Variants in CNTNAP2 observed in about 807,000 individuals in gnomAD.
CNTNAP2 encodes the protein contactin associated protein 2.
A neutral mutation model predicts 155.2 loss-of-function variants in CNTNAP2; 98 were observed. That is an observed-to-expected ratio of 0.63 (90% confidence interval 0.54 to 0.75). CNTNAP2 has a LOEUF of 0.75. Ranked by LOEUF, CNTNAP2 falls within the 30% of genes least tolerant of loss-of-function variation. The pLI is 0.00. For synonymous variants in CNTNAP2, 651 were observed against 631.2 expected (o/e 1.03, Z -0.47); for missense variants, 1,727 against 1,688.1 (o/e 1.02, Z -0.40).
chr7:146,316,281 C>A (rs999311580), intron 1 of CNTNAP2, among the ~76,000 whole-genome samples: 6 of 151,868 alleles, frequency 4.0e-5, no homozygotes, highest in Admixed American at 3.9e-4. Context: ...AGAGATAAAG[C>A]CTGGTGCTTC....
chr7:146,937,779 T>C (rs1796953958), intron 3 of CNTNAP2, among the ~76,000 whole-genome samples: 1 of 152,162 alleles, frequency 6.6e-6, no homozygotes, highest in African/African-American at 2.4e-5. Flanking sequence ...AGAATCTAGT[T>C]TAATAAGAGT....
chr7:148,198,315 T>A (rs2116727563), intron 18 of CNTNAP2, among the ~76,000 whole-genome samples: 1 of 152,278 alleles, frequency 6.6e-6, no homozygotes, highest in Middle Eastern at 3.4e-3. Flanking sequence ...ATCCAAGAAG[T>A]AAGAAATGTG....
At chr7:147,120,947 G>T (rs1801098757) in intron 5 of CNTNAP2, 32 bp from the exon 6 acceptor site, 1 of 1,606,586 alleles carries the variant, frequency 6.2e-7, no homozygotes. Flanking sequence ...TAGCATCATT[G>T]CATTGTTTCT....
chr7:147,865,182 T>A (rs13234164), intron 13 of CNTNAP2, among the ~76,000 whole-genome samples: 90,370 of 151,976 alleles, frequency 0.59, 27,145 homozygotes, highest in South Asian at 0.7. Flanking sequence ...CTATTGAGAT[T>A]ATCATGTGTT....
intron 12 of CNTNAP2, among the ~76,000 whole-genome samples, chr7:147,563,323 A>G (rs1800100880): frequency 1.3e-5 from 2 of 152,200 alleles, no homozygotes; most frequent in African/African-American, 2.4e-5. Flanking sequence ...TAAAGGCTTT[A>G]GTAGTTAAAT....
chr7:147,577,259 T>C (rs1299264472), intron 12 of CNTNAP2, among the ~76,000 whole-genome samples: 1 of 152,070 alleles, frequency 6.6e-6, no homozygotes, highest in African/African-American at 2.4e-5. Context: ...GCTTAAGCAT[T>C]AGTTTTCTTT....
intron 9 of CNTNAP2, among the ~76,000 whole-genome samples, chr7:147,375,328 C>T (rs1462629501): frequency 6.6e-6 from 1 of 151,986 alleles, no homozygotes; most frequent in Non-Finnish European, 1.5e-5. Context: ...TTTTAAGTAA[C>T]TCAGTAACAC....
chr7:147,729,638 A>G (rs1159142670), intron 13 of CNTNAP2, among the ~76,000 whole-genome samples: 1 of 152,136 alleles, frequency 6.6e-6, no homozygotes, highest in African/African-American at 2.4e-5. Context: ...ATTGCTGAGC[A>G]TGCTGTGTGA....
intron 3 of CNTNAP2, among the ~76,000 whole-genome samples, chr7:146,901,556 G>T (rs1796000965): frequency 6.6e-6 from 1 of 152,130 alleles, no homozygotes; most frequent in Non-Finnish European, 1.5e-5. Context: ...CAAAGAGGAT[G>T]AAATAAACAG....
intron 15 of CNTNAP2, among the ~76,000 whole-genome samples, chr7:148,079,457 G>A (rs376601869): frequency 6.6e-6 from 1 of 152,244 alleles, no homozygotes; most frequent in South Asian, 2.1e-4. Flanking sequence ...AGAGACCAAG[G>A]CTCTTATTAT....
intron 14 of CNTNAP2, among the ~76,000 whole-genome samples, chr7:147,974,554 G>A (rs530836579): frequency 5.9e-5 from 9 of 152,280 alleles, no homozygotes; most frequent in African/African-American, 1.9e-4. Context: ...GAACCCAGGA[G>A]GTGGAGGTTG....
At chr7:146,161,098 A>G (rs1430553466) in intron 1 of CNTNAP2, among the ~76,000 whole-genome samples, 1 of 152,236 alleles carries the variant, frequency 6.6e-6, no homozygotes, top group East Asian at 1.9e-4. Flanking sequence ...CTAAAGACAA[A>G]AAACACGTTT....
At chr7:147,530,085 A>G (rs1002961700) in intron 11 of CNTNAP2, among the ~76,000 whole-genome samples, 1 of 152,216 alleles carries the variant, frequency 6.6e-6, no homozygotes, top group African/African-American at 2.4e-5. Context: ...CACACTGCTG[A>G]TAAGGACATA....
At chr7:147,159,419 G>A (rs1186350897) in intron 8 of CNTNAP2, among the ~76,000 whole-genome samples, 5 of 151,970 alleles carry the variant, frequency 3.3e-5, no homozygotes, top group African/African-American at 1.2e-4. Context: ...AAAATTAGGT[G>A]AATCATGTAT....
At chr7:146,617,309 C>A (rs1799242878) in intron 1 of CNTNAP2, among the ~76,000 whole-genome samples, 1 of 152,166 alleles carries the variant, frequency 6.6e-6, no homozygotes, top group African/African-American at 2.4e-5. Context: ...GAATAGACTA[C>A]AAAGATGTGA....
intron 18 of CNTNAP2, among the ~76,000 whole-genome samples, chr7:148,176,252 T>C (rs1254265541): frequency 2.9e-5 from 4 of 138,314 alleles, no homozygotes; most frequent in Middle Eastern, 3.8e-3. Flanking sequence ...ATGGAGTTTC[T>C]CTCTTGTCGC....
chr7:146,511,261 A>G (rs962615045), intron 1 of CNTNAP2, among the ~76,000 whole-genome samples: 5 of 152,096 alleles, frequency 3.3e-5, no homozygotes, highest in African/African-American at 1.2e-4. Context: ...CTTCATTCCC[A>G]GTTTGGATGA....
chr7:148,406,962 A>C (rs368424219), intron 22 of CNTNAP2, among the ~76,000 whole-genome samples: 39 of 145,902 alleles, frequency 2.7e-4, no homozygotes, highest in African/African-American at 9.3e-4. Context: ...ATGTCGGACC[A>C]AGAAGTTCTC....
chr7:148,096,543 A>G, intron 15 of CNTNAP2, among the ~76,000 whole-genome samples: 1 of 152,136 alleles, frequency 6.6e-6, no homozygotes, highest in East Asian at 1.9e-4. Context: ...ACAGGGGTGA[A>G]TATTCATGAA....
Sources: allele counts gnomAD v4.1 joint callset (sites outside exome capture counted in the v4.1 genomes callset), GRCh38; gene constraint gnomAD v4.1.1; transcripts MANE v1.5; gene names NCBI Gene and HGNC (gene_info 2026-07-23, HGNC 2026-07-21).